The following CTNNA3 variants were observed in gnomAD, a reference collection of about 807,000 sequenced individuals.
CTNNA3 encodes the protein catenin alpha-3.
Under a neutral mutation model 95.7 loss-of-function variants are expected in CTNNA3, and 76 were observed. That is an observed-to-expected ratio of 0.79 (90% CI 0.66 to 0.96). The LOEUF (loss-of-function observed/expected upper bound fraction) is 0.96. CTNNA3 is among the 40% of genes least tolerant of loss of function. The probability of loss-of-function intolerance (pLI) is 0.00; values close to 1 mark genes in which losing one functional copy is unlikely to be tolerated. For synonymous variants in CTNNA3, 431 were observed against 374.4 expected, an observed-to-expected ratio of 1.15 and a Z score of -1.74; for missense variants, 1,191 against 1,089.8, an observed-to-expected ratio of 1.09 and a Z score of -1.31.
At chr10:67,624,885 T>C (rs977359996) in intron 2 of CTNNA3, among the ~76,000 whole-genome samples, 2 of 152,260 alleles carry the variant, frequency 1.3e-5, no homozygotes, top group African/African-American at 4.8e-5. Flanking sequence ...TTAGATGTAA[T>C]GACTCTGGTA....
intron 7 of CTNNA3, among the ~76,000 whole-genome samples, chr10:67,123,732 T>C (rs1218160662): frequency 6.6e-6 from 1 of 152,178 alleles, no homozygotes; most frequent in African/African-American, 2.4e-5. Context: ...ATCAAAAAGA[T>C]CTTCAATGTC....
At chr10:67,256,987 T>A (rs1348220187) in intron 5 of CTNNA3, among the ~76,000 whole-genome samples, 1 of 152,198 alleles carries the variant, frequency 6.6e-6, no homozygotes, top group Admixed American at 6.5e-5. Flanking sequence ...AAAAAATGCA[T>A]CTTTGCTAAG....
chr10:66,241,307 ATGTTTCT>A (rs780180451), intron 13 of CTNNA3, among the ~76,000 whole-genome samples: 42 of 152,178 alleles, frequency 2.8e-4, no homozygotes, highest in Non-Finnish European at 5.3e-4. Context: ...GATACACAGT[ATGTTTCT>A]ATATTTTTTC....
At chr10:66,862,068 A>T (rs1843954648) in intron 7 of CTNNA3, among the ~76,000 whole-genome samples, 1 of 152,172 alleles carries the variant, frequency 6.6e-6, no homozygotes, top group East Asian at 1.9e-4. Flanking sequence ...TACAAAAATT[A>T]GCCAGGTGTG....
chr10:66,048,145 C>T (rs944262073), intron 15 of CTNNA3, among the ~76,000 whole-genome samples: 1 of 152,024 alleles, frequency 6.6e-6, no homozygotes, highest in Non-Finnish European at 1.5e-5. Flanking sequence ...TTATATGGAA[C>T]CAAAAAGAGT....
intron 17 of CTNNA3, among the ~76,000 whole-genome samples, chr10:65,948,347 C>T (rs758304577): frequency 6.7e-6 from 1 of 149,892 alleles, no homozygotes; most frequent in African/African-American, 2.5e-5. Flanking sequence ...CCCCCCCCAA[C>T]ATAGTAGGTG....
At chr10:67,761,629 A>AC (rs1414944683) in intron 1 of CTNNA3, among the ~76,000 whole-genome samples, 147 of 152,330 alleles carry the variant, frequency 9.7e-4, no homozygotes, top group African/African-American at 3.3e-3. Flanking sequence ...CTGTGATCTC[A>AC]GCACTTTGGG....
rs528761424 is a variant in CTNNA3 at position 66,493,599 on chromosome 10, A to ATTTTTTTTTTTTTT, written c.1531+27004_1531+27017dup. ...GGGTTGGCTAACATTTAACTACAGT[A>ATTTTTTTTTTTTTT]TTTTTTTTTTTTTTTTTTTTGAGAC... On this transcript the variant is annotated intron_variant, in intron 11 of 17. Transcript: ENST00000433211. Among the ~76,000 whole-genome samples the ATTTTTTTTTTTTTT allele has an allele frequency of 5.8e-3, 653 of 111,964 alleles. 31 individuals carry two copies. Among genetic ancestry groups the ATTTTTTTTTTTTTT allele is most frequent in the East Asian group, 0.021 (55 of 2,668 alleles). 73.5% of individuals were successfully genotyped at this position (111,964 alleles called of 152,430 possible).
intron 15 of CTNNA3, among the ~76,000 whole-genome samples, chr10:66,029,567 A>G (rs1004520993): frequency 1.3e-5 from 2 of 152,092 alleles, no homozygotes; most frequent in Non-Finnish European, 2.9e-5. Flanking sequence ...ATAACCTACA[A>G]CCAGCAAGAA....
intron 7 of CTNNA3, among the ~76,000 whole-genome samples, chr10:66,986,005 C>T (rs752882093): frequency 2.6e-5 from 4 of 152,084 alleles, no homozygotes; most frequent in Non-Finnish European, 5.9e-5. Flanking sequence ...GGATTACAGG[C>T]GTGAGCCACC....
chr10:67,459,115 A>G (rs577904931), intron 5 of CTNNA3, among the ~76,000 whole-genome samples: 3 of 152,220 alleles, frequency 2.0e-5, no homozygotes, highest in Non-Finnish European at 4.4e-5. Context: ...TGTTTTAACC[A>G]TATATTCCAT....
At chr10:66,761,144 T>G (rs73307030) in intron 9 of CTNNA3, among the ~76,000 whole-genome samples, 1 of 152,174 alleles carries the variant, frequency 6.6e-6, no homozygotes, top group Admixed American at 6.6e-5. Flanking sequence ...GCAGAGCTCA[T>G]AGCAATCAGC....
chr10:67,140,980 G>T (rs891319987), intron 7 of CTNNA3, among the ~76,000 whole-genome samples: 1 of 152,148 alleles, frequency 6.6e-6, no homozygotes. Flanking sequence ...ACATAGAAAT[G>T]CTATTAAAAT....
intron 11 of CTNNA3, among the ~76,000 whole-genome samples, chr10:66,477,791 G>A (rs941472127): frequency 1.3e-5 from 2 of 151,952 alleles, no homozygotes; most frequent in Non-Finnish European, 2.9e-5. Context: ...GATAAATTAT[G>A]GGCAATTCTC....
At chr10:67,601,697 A>G (rs971753288) in intron 3 of CTNNA3, among the ~76,000 whole-genome samples, 14 of 152,202 alleles carry the variant, frequency 9.2e-5, no homozygotes, top group Non-Finnish European at 1.9e-4. Flanking sequence ...GAATATTCTA[A>G]AACTATTTAA....
intron 5 of CTNNA3, among the ~76,000 whole-genome samples, chr10:67,469,994 T>A (rs557140076): frequency 2.6e-5 from 4 of 152,202 alleles, no homozygotes; most frequent in Non-Finnish European, 5.9e-5. Flanking sequence ...AAATTATTAT[T>A]GACTATAATC....
chr10:66,192,325 A>T (rs2086723376), intron 13 of CTNNA3, among the ~76,000 whole-genome samples: 6 of 152,336 alleles, frequency 3.9e-5, no homozygotes, highest in African/African-American at 1.4e-4. Flanking sequence ...AAAACACTTT[A>T]CAACAAAGAA....
chr10:66,492,421 C>A (rs1276370553), intron 11 of CTNNA3, among the ~76,000 whole-genome samples: 2 of 151,338 alleles, frequency 1.3e-5, no homozygotes, highest in Non-Finnish European at 2.9e-5. Flanking sequence ...GTAGCTGGGA[C>A]TACAGGCGCA....
chr10:67,077,851 C>T (rs943990358), intron 7 of CTNNA3, among the ~76,000 whole-genome samples: 1 of 151,602 alleles, frequency 6.6e-6, no homozygotes, highest in South Asian at 2.1e-4. Context: ...TAATAAGAGA[C>T]AAAATTAATA....
Sources: gnomAD v4.1 joint callset for allele counts (sites outside exome capture counted in the v4.1 genomes callset) on GRCh38, gnomAD v4.1.1 for gene constraint, MANE v1.5 for transcripts, NCBI Gene and HGNC (gene_info 2026-07-23, HGNC 2026-07-21) for gene names.